MGLL: variants seen among roughly 807,000 people sequenced by gnomAD.
MGLL encodes lysophospholipase homolog.
In MGLL, 7 loss-of-function variants were observed where a neutral mutation model predicts 29.1. The observed-to-expected ratio is 0.24, with a 90% CI of 0.14 to 0.45. The LOEUF is 0.45. MGLL is among the 20% of genes least tolerant of loss of function. The probability of loss-of-function intolerance (pLI) is 0.99; values close to 1 mark genes in which losing one functional copy is unlikely to be tolerated. For missense variants in MGLL, 356 were observed against 413.6 expected, an observed-to-expected ratio of 0.86 and a Z score of 1.21; for synonymous variants, 148 against 168.3, an observed-to-expected ratio of 0.88 and a Z score of 0.93.
At chr3:127,716,995 G>C (rs1020732467) in intron 5 of MGLL, among the ~76,000 whole-genome samples, 20 of 152,216 alleles carry the variant, frequency 1.3e-4, no homozygotes, top group African/African-American at 4.8e-4. Flanking sequence ...GCTCAGCAAA[G>C]ATGTGTGGCA....
intron 6 of MGLL, among the ~76,000 whole-genome samples, chr3:127,709,683 C>G (rs2075671662): frequency 1.3e-5 from 2 of 152,298 alleles, no homozygotes; most frequent in South Asian, 4.1e-4. Flanking sequence ...ACTCCTAAAG[C>G]AAGAGGGCAA....
At chr3:127,709,904 G>A (rs2075676924) in intron 6 of MGLL, among the ~76,000 whole-genome samples, 1 of 152,148 alleles carries the variant, frequency 6.6e-6, no homozygotes, top group Non-Finnish European at 1.5e-5. Context: ...TTGCTCATCT[G>A]CAATATGGGT....
At chr3:127,701,176 C>G (rs1427143049) in intron 6 of MGLL, among the ~76,000 whole-genome samples, 4 of 139,308 alleles carry the variant, frequency 2.9e-5, no homozygotes, top group Non-Finnish European at 6.0e-5. Flanking sequence ...GATCACGCCA[C>G]TGCACTCCAG....
chr3:127,694,319 A>ATGTG (rs2075310411), intron 7 of MGLL, among the ~76,000 whole-genome samples: 8 of 99,856 alleles, frequency 8.0e-5, no homozygotes, highest in African/African-American at 2.6e-4. Flanking sequence ...GTATGTGTGT[A>ATGTG]TATATATATG....
At chr3:127,796,371 C>T (rs1408548232) in intron 2 of MGLL, among the ~76,000 whole-genome samples, 1 of 152,214 alleles carries the variant, frequency 6.6e-6, no homozygotes, top group East Asian at 1.9e-4. Flanking sequence ...AGGACTATGT[C>T]ACCACTACTT....
intron 3 of MGLL, among the ~76,000 whole-genome samples, chr3:127,762,445 C>T (rs1435712717): frequency 6.6e-6 from 1 of 152,204 alleles, no homozygotes; most frequent in African/African-American, 2.4e-5. Flanking sequence ...CCAGCCCTGA[C>T]CCTACCTATT....
At chr3:127,748,512 C>T (rs1372963508) in intron 3 of MGLL, among the ~76,000 whole-genome samples, 1 of 151,706 alleles carries the variant, frequency 6.6e-6, no homozygotes, top group Non-Finnish European at 1.5e-5. Context: ...AAGCCCTAAC[C>T]TCTAGTACCT....
At chr3:127,715,041 C>T (rs1210040819) in intron 5 of MGLL, among the ~76,000 whole-genome samples, 1 of 152,220 alleles carries the variant, frequency 6.6e-6, no homozygotes, top group East Asian at 1.9e-4. Context: ...TGTAGCTTCA[C>T]AGGGCTCCTG....
chr3:127,752,220 C>T (rs542187424), intron 3 of MGLL, among the ~76,000 whole-genome samples: 2 of 152,232 alleles, frequency 1.3e-5, no homozygotes, highest in South Asian at 4.2e-4. Context: ...CCTCAGCCTC[C>T]CAAGTAGCTG....
Position 127,809,435 on chromosome 3 carries a change from G to T in MGLL, c.155+12259C>A, listed in dbSNP as rs188812039. Among the ~76,000 whole-genome samples, 15 of 152,178 alleles carry T rather than the reference G, an allele frequency of 9.9e-5. No homozygotes were observed. In the East Asian group the frequency reaches 2.7e-3, roughly 27 times the overall value. ...GAGCCTGGGAATTTGTGACATGCCT[G>T]GGCAACATAGTGAGATCCTGTGTCT... is the stretch of plus-strand genomic sequence containing the variant. On this transcript the variant is annotated intron_variant, in intron 2 of 7. Coordinates refer to ENST00000265052, the MANE Select transcript of MGLL (RefSeq NM_007283.7).
In MGLL at chr3:127,743,761, G is replaced by A. The variant is rs542706187; in HGVS notation, c.263-21195C>T. On this transcript the variant is annotated intron_variant, in intron 3 of 7. Coordinates refer to ENST00000265052, the MANE Select transcript of MGLL (RefSeq NM_007283.7). ...TGACCACAGGGGCTCTGCTTTTCTC[G>A]CTTTCTAAAAAATGTACAGATGGCA... 8.5e-5 allele frequency among the ~76,000 whole-genome samples: 13 copies of A among 152,112 alleles called. No homozygotes were observed. In the East Asian group the frequency reaches 1.5e-3, roughly 18 times the overall value.
chr3:127,745,638 G>C (rs569827257), intron 3 of MGLL, among the ~76,000 whole-genome samples: 1 of 152,090 alleles, frequency 6.6e-6, no homozygotes, highest in African/African-American at 2.4e-5. Context: ...TCACCACCAC[G>C]CAATATATCC....
chr3:127,695,393 G>C (rs1488193362), intron 6 of MGLL, among the ~76,000 whole-genome samples: 1 of 152,204 alleles, frequency 6.6e-6, no homozygotes, highest in Non-Finnish European at 1.5e-5. Context: ...CTCCTTTCAG[G>C]CTTGAGGGTT....
intron 2 of MGLL, among the ~76,000 whole-genome samples, chr3:127,820,000 C>G (rs2077830792): frequency 6.6e-6 from 1 of 152,178 alleles, no homozygotes; most frequent in Non-Finnish European, 1.5e-5. Flanking sequence ...CTTTGGTAAA[C>G]TGAGGATAAC....
At chr3:127,759,790 G>C (rs1030466822) in intron 3 of MGLL, among the ~76,000 whole-genome samples, 1 of 152,194 alleles carries the variant, frequency 6.6e-6, no homozygotes, top group Non-Finnish European at 1.5e-5. Flanking sequence ...CCTTGGAATC[G>C]GTCCCTTTGG....
chr3:127,738,729 C>T (rs537243280), intron 3 of MGLL, among the ~76,000 whole-genome samples: 89 of 152,312 alleles, frequency 5.8e-4, no homozygotes, highest in Non-Finnish European at 4.3e-4. Context: ...GAGTACCAAG[C>T]GGCAGGGTGG....
chr3:127,738,611 G>A (rs1337229379), intron 3 of MGLL, among the ~76,000 whole-genome samples: 3 of 152,218 alleles, frequency 2.0e-5, no homozygotes, highest in Non-Finnish European at 4.4e-5. Flanking sequence ...GGGCCTGCCT[G>A]CAGAGAGGTT....
At chr3:127,789,008 TCCC>T (rs1272095914) in intron 2 of MGLL, among the ~76,000 whole-genome samples, 1 of 152,150 alleles carries the variant, frequency 6.6e-6, no homozygotes, top group South Asian at 2.1e-4. Flanking sequence ...CCAGGTTAAA[TCCC>T]TTTGCTTTGC....
chr3:127,726,981 T>C (rs1215223340), intron 3 of MGLL, among the ~76,000 whole-genome samples: 5 of 152,222 alleles, frequency 3.3e-5, no homozygotes, highest in African/African-American at 1.2e-4. Context: ...ATTTTACAGC[T>C]GGTGTTTTAG....
Sources: allele counts gnomAD v4.1 joint callset (sites outside exome capture counted in the v4.1 genomes callset), GRCh38; gene constraint gnomAD v4.1.1; transcripts MANE v1.5; gene names NCBI Gene and HGNC (gene_info 2026-07-23, HGNC 2026-07-21).